DYNC2H1: variants seen among roughly 807,000 people sequenced by gnomAD.
DYNC2H1 encodes dynein cytoplasmic 2 heavy chain 1.
DYNC2H1 carries 410 observed loss-of-function variants against 570.0 expected under a neutral mutation model. That is an observed-to-expected ratio of 0.72 (90% CI 0.66 to 0.78). The LOEUF is 0.78. Among genes scored for constraint, DYNC2H1 ranks in the 30% least tolerant of loss-of-function variants. DYNC2H1 has a pLI of 0.00. For synonymous variants in DYNC2H1, 1,688 were observed against 1,677.6 expected, an observed-to-expected ratio of 1.01 and a Z score of -0.15; for missense variants, 4,865 against 5,046.4, an observed-to-expected ratio of 0.96 and a Z score of 1.09.
Position 103,316,592 on chromosome 11 carries a change from G to T in DYNC2H1, c.11697G>T (p.Gly3899=). Residue 3899 remains glycine (G), a synonymous_variant, in exon 80 of 89, where the codon GGG becomes GGT. Coordinates refer to ENST00000375735, the MANE Select transcript of DYNC2H1 (RefSeq NM_001377.3). The stretch of plus-strand genomic sequence containing the variant: ...TTTCTTTATCAGATCTTCGGGCTGG[G>T]TACAACATTATTGACAGACTTTTTG... ...YEFSLSDLRA[G]YNIIDRLFDG... The T allele has an allele frequency of 6.4e-7, 1 of 1,554,888 alleles. No homozygotes were observed. The highest frequency in any genetic ancestry group is 8.7e-7 in the Non-Finnish European group (1 of 1,151,580).
chr11:103,439,417 G>T lies in DYNC2H1; in HGVS notation c.12456+3385G>T, dbSNP rs1944180361. 6.6e-6 allele frequency among the ~76,000 whole-genome samples: 1 copy of T among 152,092 alleles called. No individual in the cohort carries two copies. The highest frequency in any genetic ancestry group is 2.4e-5 in the African/African-American group (1 of 41,418). ...AAAGCAAAGCATAGATTGCAAGGAG[G>T]GGTGTTCAGGCTGGAGGGCAAGAGG... On this transcript the variant is annotated intron_variant, in intron 85 of 88. Transcript: ENST00000375735. This position sits in a 1 kb window ranked among gnomAD's most constrained non-coding sequence, Gnocchi z 4.1.
At position 103,468,612 on chromosome 11, in the gene DYNC2H1, A is replaced by T. The variant is rs1224616008; in HGVS notation, c.12672A>T (p.Gly4224=). ...QIKISGLLLE[G]CSFDGNQLSE... is the part of the protein sequence containing the mutation. ...AGATCAGTGGCTTGTTACTAGAAGG[A>T]TGTAGTTTTGATGGAAATCAACTTT... Residue 4224 remains glycine, a synonymous_variant, in exon 88 of 89, where the codon GGA becomes GGT. Transcript: ENST00000375735. 6.2e-7 allele frequency: 1 copy of T among 1,613,454 alleles called. No individual in the cohort carries two copies. Among genetic ancestry groups the T allele is most frequent in the Non-Finnish European group, 8.5e-7 (1 of 1,179,580 alleles).
At chr11:103,367,678 C>T (rs1337453158) in intron 83 of DYNC2H1, among the ~76,000 whole-genome samples, 1 of 152,006 alleles carries the variant, frequency 6.6e-6, no homozygotes, top group Admixed American at 6.6e-5. Flanking sequence ...CTATAGTCAC[C>T]CTGCTGGGCA....
rs768459821 is a variant in DYNC2H1, at chr11:103,121,395, C to T, written c.1384C>T (p.Arg462Trp). The T allele has an allele frequency of 6.6e-5, 106 of 1,610,136 alleles. 1 individual carries two copies. Among genetic ancestry groups the T allele is most frequent in the African/African-American group, 2.8e-4 (21 of 74,790 alleles). The change falls in exon 10 of 89, where the codon CGG (arginine) becomes TGG (tryptophan). Residue 462 changes from arginine to tryptophan, a missense_variant. This residue lies in a region of DYNC2H1 where 1,936 missense variants were observed against 1,962.1 expected (regional missense o/e 0.99). Coordinates refer to ENST00000375735, the MANE Select transcript of DYNC2H1 (RefSeq NM_001377.3). ...AGATTTTCGATTAGACTTTGAGAATCGGTGCCGAGGAATTCCTGGTGATGC... is the reference window on the plus strand; with the variant it reads ...AGATTTTCGATTAGACTTTGAGAATTGGTGCCGAGGAATTCCTGGTGATGC... Reference protein sequence around the residue: ...IKDFRLDFENRCRGIPGDASG... With the variant: ...IKDFRLDFENWCRGIPGDASG...
intron 83 of DYNC2H1, 91 bp from the exon 84 acceptor site, chr11:103,399,567 CAGAAT>C: frequency 1.2e-6 from 1 of 838,012 alleles, no homozygotes; most frequent in Non-Finnish European, 1.8e-6. Context: ...GTTTTTAAAA[CAGAAT>C]AGAACAAAAG....
Position 103,199,368 on chromosome 11 carries a change from T to C in DYNC2H1, c.7980T>C (p.Gly2660=). 1 of 1,612,602 alleles carries C rather than the reference T, an allele frequency of 6.2e-7. No homozygotes were observed. Among genetic ancestry groups the C allele is most frequent in the Non-Finnish European group, 8.5e-7 (1 of 1,179,652 alleles). Reference sequence around the variant, plus strand: ...TATTAGCAGGACGCAGTGGTGTAGGTCGTCGGACCATCACTTCTTTAGTCA... The same window carrying C: ...TATTAGCAGGACGCAGTGGTGTAGGCCGTCGGACCATCACTTCTTTAGTCA... The part of the protein sequence containing the change: ...SLLLAGRSGV[G]RRTITSLVSH... Residue 2660 remains glycine, a synonymous_variant, in exon 49 of 89, where the codon GGT becomes GGC. Transcript: ENST00000375735. The surrounding 1 kb of genome is among the most constrained non-coding windows in gnomAD (Gnocchi z 4.6).
chr11:103,112,049 G>C (rs908142687), intron 1 of DYNC2H1, among the ~76,000 whole-genome samples: 1 of 152,228 alleles, frequency 6.6e-6, no homozygotes, highest in Non-Finnish European at 1.5e-5. Context: ...ATGGGGCAGC[G>C]TGGGGAACTA....
chr11:103,370,724 G>T lies in DYNC2H1; in HGVS notation c.12156+12365G>T, dbSNP rs540065795. The stretch of plus-strand genomic sequence containing the variant: ...CCAGATCTAGTCCAAGACCATCAAG[G>T]TGGCACCTCTATGAAGATGCAAGAA... On this transcript the variant is annotated intron_variant, in intron 83 of 88. Transcript: ENST00000375735. 5.9e-5 allele frequency among the ~76,000 whole-genome samples: 9 copies of T among 152,234 alleles called. No individual in the cohort carries two copies. In the South Asian group the frequency reaches 1.9e-3, roughly 32 times the overall value.
intron 65 of DYNC2H1, among the ~76,000 whole-genome samples, chr11:103,251,334 CT>C (rs1171198940): frequency 6.6e-6 from 1 of 151,958 alleles, no homozygotes; most frequent in Admixed American, 6.6e-5. Flanking sequence ...GTTACACAAA[CT>C]TTTTGGACTA....
chr11:103,132,807 A>G (rs978097178), intron 13 of DYNC2H1, among the ~76,000 whole-genome samples: 1 of 151,796 alleles, frequency 6.6e-6, no homozygotes, highest in Non-Finnish European at 1.5e-5. Flanking sequence ...TGAGGCACCA[A>G]CTTGGAGGCA....
intron 82 of DYNC2H1, among the ~76,000 whole-genome samples, chr11:103,342,911 T>C (rs1352299989): frequency 2.0e-5 from 3 of 152,120 alleles, no homozygotes; most frequent in African/African-American, 7.2e-5. Context: ...TCTGGGATAT[T>C]GCCAAGTGGT....
chr11:103,429,312 GTAA>G (rs1943803375), intron 84 of DYNC2H1, among the ~76,000 whole-genome samples: 1 of 151,946 alleles, frequency 6.6e-6, no homozygotes, highest in Non-Finnish European at 1.5e-5. Context: ...TAGAAAGCAA[GTAA>G]TAGAAGATCC....
In DYNC2H1 at chr11:103,186,716, A is replaced by G. The variant is rs1862085616; in HGVS notation, c.6893+215A>G. 6.6e-6 allele frequency among the ~76,000 whole-genome samples: 1 copy of G among 151,240 alleles called. No homozygotes were observed. Among genetic ancestry groups the G allele is most frequent in the Non-Finnish European group, 1.5e-5 (1 of 67,792 alleles). On this transcript the variant is annotated intron_variant, in intron 42 of 88. Transcript: ENST00000375735. This position sits in a 1 kb window ranked among gnomAD's most constrained non-coding sequence, Gnocchi z 4.5. ...TGTGATTTCTACTGGAAAGACAGCA[A>G]TCTGAGAAGATACTCTTAAAAATTA... is the stretch of plus-strand genomic sequence containing the variant.
chr11:103,479,132 C>CT lies in DYNC2H1; in HGVS notation c.12806dup (p.Leu4269PhefsTer8). ...CCATATTCTCCGGATGAGTGCATCT[C>CT]TTTGCCTGTTTACACAAGTGCTGAA... On this transcript the variant is annotated frameshift_variant, in exon 89 of 89. Transcript: ENST00000375735. LOFTEE classifies it high-confidence loss of function. The CT allele has an allele frequency of 6.2e-7, 1 of 1,613,794 alleles. No homozygotes were observed. Among genetic ancestry groups the CT allele is most frequent in the Non-Finnish European group, 8.5e-7 (1 of 1,179,754 alleles).
chr11:103,187,398 T>C lies in DYNC2H1; in HGVS notation c.6952T>C (p.Cys2318Arg). 5 of 1,613,220 alleles carry C rather than the reference T, an allele frequency of 3.1e-6. No homozygotes were observed. The highest frequency in any genetic ancestry group is 4.2e-6 in the Non-Finnish European group (5 of 1,179,400). ...GTCCACTCAAATTGCTACAGTTCAC[T>C]GTAGTGCACAAACCACTTCTCGACA... is the stretch of plus-strand genomic sequence containing the variant. ...LRSTQIATVH[C>R]SAQTTSRHLL... The change falls in exon 43 of 89, where the codon TGT becomes CGT. Residue 2318 changes from cysteine (C) to arginine (R), a missense_variant. Transcript: ENST00000375735.
At chr11:103,253,579 T>A in intron 66 of DYNC2H1, 131 bp downstream of exon 66, 1 of 882,936 alleles carries the variant, frequency 1.1e-6, no homozygotes, top group Non-Finnish European at 1.7e-6. Flanking sequence ...ATAATACTTG[T>A]ATGTTGGAGT....
rs778357302 is a variant in DYNC2H1 at position 103,121,451 on chromosome 11, A to T, written c.1440A>T (p.Ser480=). The change falls in exon 10 of 89, where the codon TCA becomes TCT. Residue 480 remains serine, a synonymous_variant. Transcript: ENST00000375735. ...GACCACTTTCTGGCAAAAATCTTTC[A>T]GAAGTTGTCAACAGTATAGTTTGGG... is the stretch of plus-strand genomic sequence containing the variant. ...ASGPLSGKNL[S]EVVNSIVWVR... is the part of the protein sequence containing the mutation. 1.2e-6 allele frequency: 2 copies of T among 1,613,556 alleles called. No homozygotes were observed. Among genetic ancestry groups the T allele is most frequent in the East Asian group, 4.5e-5 (2 of 44,830 alleles).
chr11:103,126,327 T>A (rs1290963078), intron 12 of DYNC2H1, among the ~76,000 whole-genome samples: 1 of 152,186 alleles, frequency 6.6e-6, no homozygotes, highest in African/African-American at 2.4e-5. Flanking sequence ...GCACCTAGTA[T>A]ATCCAGTAGC....
chr11:103,245,008 C>A lies in DYNC2H1; in HGVS notation c.9919-243C>A, dbSNP rs118049989. Among the ~76,000 whole-genome samples the A allele has an allele frequency of 5.5e-3, 836 of 151,540 alleles. 3 individuals carry two copies. The highest frequency in any genetic ancestry group is 9.7e-3 in the Non-Finnish European group (657 of 67,808). ...AAAGGTTCTTTTCAGAATTATCAGA[C>A]CTATCCACCAAGAAAATTTTACTAG... On this transcript the variant is annotated intron_variant, in intron 64 of 88. Coordinates refer to ENST00000375735, the MANE Select transcript of DYNC2H1 (RefSeq NM_001377.3). This position sits in a 1 kb window ranked among gnomAD's most constrained non-coding sequence, Gnocchi z 4.5.
Sources: allele counts gnomAD v4.1 joint callset (sites outside exome capture counted in the v4.1 genomes callset), GRCh38; gene constraint gnomAD v4.1.1; regional missense constraint gnomAD v4.1.1; non-coding constraint Gnocchi (gnomAD v3.1); transcripts MANE v1.5; gene names NCBI Gene and HGNC (gene_info 2026-07-23, HGNC 2026-07-21).